The following YAF2 variants were observed in gnomAD, a reference collection of about 807,000 sequenced individuals.
YAF2 encodes YY1 associated factor 2.
Under a neutral mutation model 20.1 loss-of-function variants are expected in YAF2, and 7 were observed. That is an observed-to-expected ratio of 0.35 (90% CI 0.20 to 0.65). The LOEUF (loss-of-function observed/expected upper bound fraction) is 0.65. Among genes scored for constraint, YAF2 ranks in the 30% least tolerant of loss-of-function variants. The pLI, the probability that YAF2 is intolerant of heterozygous loss-of-function variation, is 0.69. For synonymous variants in YAF2, 74 were observed against 76.0 expected (o/e 0.97, Z 0.14); for missense variants, 151 against 219.2 (o/e 0.69, Z 1.96).
Position 42,228,484 on chromosome 12 carries a change from G to C in YAF2, c.152+9115C>G, listed in dbSNP as rs1188460063. On this transcript the variant is annotated intron_variant, in intron 2 of 3. Coordinates refer to ENST00000534854, the MANE Select transcript of YAF2 (RefSeq NM_005748.6). ...CGTCCGGGAGGGAGGTGGGGGGGGG[G>C]GGTCAGCCCCCCCGCCTGGCCAGCC... Among the ~76,000 whole-genome samples the C allele has an allele frequency of 3.6e-5, 2 of 55,402 alleles. 1 individual carries two copies. The highest frequency in any genetic ancestry group is 6.3e-5 in the Non-Finnish European group (2 of 31,904). 36.3% of individuals were successfully genotyped at this position (55,402 alleles called of 152,430 possible). A position where few individuals can be genotyped will look rare whatever the true frequency, so the allele number is the denominator to read the frequency against.
chr12:42,194,758 C>T (rs1395850677), intron 2 of YAF2, among the ~76,000 whole-genome samples: 1 of 152,088 alleles, frequency 6.6e-6, no homozygotes, highest in Non-Finnish European at 1.5e-5. Context: ...TGGTCCAGGC[C>T]CTACATTACA....
Position 42,161,658 on chromosome 12 carries a change from C to CT in YAF2, c.259dup (p.Ser87LysfsTer2). The CT allele has an allele frequency of 6.2e-7, 1 of 1,605,030 alleles. No homozygotes were observed. On this transcript the variant is annotated frameshift_variant, in exon 3 of 4. Coordinates refer to ENST00000534854, the MANE Select transcript of YAF2 (RefSeq NM_005748.6). LOFTEE classifies it high-confidence loss of function. The stretch of plus-strand genomic sequence containing the variant: ...CTTTTTGCTAGTTGTTTCCTTTTCA[C>CT]TTTTTTCTTTTTCTACTTTATCTTT...
chr12:42,216,279 T>A lies in YAF2; in HGVS notation c.152+21320A>T, dbSNP rs535073261. On this transcript the variant is annotated intron_variant, in intron 2 of 3. Coordinates refer to ENST00000534854, the MANE Select transcript of YAF2 (RefSeq NM_005748.6). ...GGACAATCACTACGCAAAAGTATTATCTTGTTACAACTTAAAAATACAAAT... is the reference window on the plus strand; with the variant it reads ...GGACAATCACTACGCAAAAGTATTAACTTGTTACAACTTAAAAATACAAAT... Among the ~76,000 whole-genome samples, 48 of 152,294 alleles carry A rather than the reference T, an allele frequency of 3.2e-4. 1 individual carries two copies. Among genetic ancestry groups the A allele is most frequent in the Admixed American group, 3.0e-3 (46 of 15,296 alleles).
chr12:42,232,522 T>A (rs368208976), intron 2 of YAF2: 1 of 985,280 alleles, frequency 1.0e-6, no homozygotes, highest in Middle Eastern at 5.2e-4. Flanking sequence ...AAGTAAGAAA[T>A]CTCCTAGAAT....
At position 42,220,972 on chromosome 12, in the gene YAF2, A is replaced by T. The variant is rs1352715797; in HGVS notation, c.152+16627T>A. Among the ~76,000 whole-genome samples the T allele has an allele frequency of 3.3e-5, 5 of 152,200 alleles. No homozygotes were observed. The East Asian group carries it at 9.6e-4, about 29-fold the overall frequency. On this transcript the variant is annotated intron_variant, in intron 2 of 3. Transcript: ENST00000534854. Reference sequence around the variant, plus strand: ...ACACTATGATATCAAAGAAGTGAGGATATACAGCAAAATAAAAGTTGTTAT... The same window carrying T: ...ACACTATGATATCAAAGAAGTGAGGTTATACAGCAAAATAAAAGTTGTTAT...
intron 2 of YAF2, among the ~76,000 whole-genome samples, chr12:42,189,840 TAAGACA>T (rs2066568867): frequency 6.6e-6 from 1 of 152,124 alleles, no homozygotes. Context: ...AAAATTAGTC[TAAGACA>T]AGCACATTTT....
chr12:42,169,641 G>C (rs895438049), intron 2 of YAF2, among the ~76,000 whole-genome samples: 7 of 151,966 alleles, frequency 4.6e-5, no homozygotes, highest in Non-Finnish European at 7.4e-5. Flanking sequence ...TCAAACTCCT[G>C]GACTCAAGAG....
In YAF2 at chr12:42,207,708, C is replaced by T. The variant is rs564364735; in HGVS notation, c.152+29891G>A. On this transcript the variant is annotated intron_variant, in intron 2 of 3. Transcript: ENST00000534854. ...GCGATCAAGACCATCCTGGCTAACA[C>T]GGTGAAACCCCGTCTCTACTAAAAA... Among the ~76,000 whole-genome samples the T allele has an allele frequency of 3.4e-3, 517 of 151,870 alleles. 2 individuals are homozygous for T. Among genetic ancestry groups the T allele is most frequent in the African/African-American group, 0.012 (491 of 41,394 alleles).
chr12:42,204,119 A>C (rs889374661), intron 2 of YAF2, among the ~76,000 whole-genome samples: 1 of 152,226 alleles, frequency 6.6e-6, no homozygotes, highest in Non-Finnish European at 1.5e-5. Flanking sequence ...ACCACTTCAC[A>C]CAAACTAGAA....
intron 2 of YAF2, among the ~76,000 whole-genome samples, chr12:42,195,821 G>A (rs2066734395): frequency 6.6e-6 from 1 of 152,156 alleles, no homozygotes; most frequent in African/African-American, 2.4e-5. Flanking sequence ...GATCCTACGG[G>A]AGCACAGAAG....
intron 2 of YAF2, among the ~76,000 whole-genome samples, chr12:42,227,747 T>TGGGG (rs1181592026): frequency 7.4e-6 from 1 of 134,784 alleles, no homozygotes; most frequent in Non-Finnish European, 1.6e-5. Context: ...GGGAGGGAGG[T>TGGGG]GGGGGGGTCA....
At position 42,159,694 on chromosome 12, in the gene YAF2, T is replaced by G. The variant is rs1043314943; in HGVS notation, c.*895A>C. 1 of 152,454 alleles carries G rather than the reference T, an allele frequency of 6.6e-6. No homozygotes were observed. Among genetic ancestry groups the G allele is most frequent in the Non-Finnish European group, 1.5e-5 (1 of 67,966 alleles). 9.4% of individuals were successfully genotyped at this position (152,454 alleles called of 1,614,324 possible). A position where few individuals can be genotyped will look rare whatever the true frequency, so the allele number is the denominator to read the frequency against. ...CATACTTCTATGGCCCTGGATAAGT[T>G]TGGGACAAGAAAACAATGATAAAAC... On this transcript the variant is annotated 3_prime_UTR_variant, in exon 4 of 4. Transcript: ENST00000534854.
rs1398898195 is a variant in YAF2 at position 42,174,463 on chromosome 12, C to T, written c.153-12698G>A. On this transcript the variant is annotated intron_variant, in intron 2 of 3. Coordinates refer to ENST00000534854, the MANE Select transcript of YAF2 (RefSeq NM_005748.6). ...GGCTACTCTTTCACAGTTTCATTTA[C>T]TGATTCCCTTCCAGTGTCCCAAATT... 2.0e-5 allele frequency among the ~76,000 whole-genome samples: 3 copies of T among 152,298 alleles called. No individual in the cohort carries two copies. The East Asian group carries it at 5.8e-4, about 29-fold the overall frequency.
intron 2 of YAF2, chr12:42,232,957 T>TAG (rs2068026757): frequency 1.0e-6 from 1 of 985,330 alleles, no homozygotes; most frequent in Non-Finnish European, 1.2e-6. Flanking sequence ...ACCTCACATA[T>TAG]AGAGCTTGGT....
intron 2 of YAF2, among the ~76,000 whole-genome samples, chr12:42,228,048 C>G: frequency 8.4e-6 from 1 of 119,082 alleles, no homozygotes; most frequent in Non-Finnish European, 1.8e-5. Flanking sequence ...CCCGGCCAGC[C>G]GCCCCGTCTG....
intron 2 of YAF2, among the ~76,000 whole-genome samples, chr12:42,229,421 T>TAAA (rs58885852): frequency 2.3e-4 from 33 of 143,238 alleles, no homozygotes; most frequent in African/African-American, 7.7e-4. Flanking sequence ...AAAAATAAAT[T>TAAA]AAAAAAAAAA....
intron 2 of YAF2, among the ~76,000 whole-genome samples, chr12:42,178,118 C>G (rs1419239934): frequency 6.6e-6 from 1 of 152,158 alleles, no homozygotes; most frequent in Non-Finnish European, 1.5e-5. Flanking sequence ...ATATGTACAT[C>G]TATTTTGTAT....
chr12:42,182,277 G>A (rs1205045159), intron 2 of YAF2, among the ~76,000 whole-genome samples: 2 of 152,050 alleles, frequency 1.3e-5, no homozygotes, highest in African/African-American at 2.4e-5. Context: ...ATGTGGCCGG[G>A]TATTTTATAA....
chr12:42,169,936 T>C (rs368152030), intron 2 of YAF2, among the ~76,000 whole-genome samples: 1 of 151,912 alleles, frequency 6.6e-6, no homozygotes. Flanking sequence ...AGTGGTACAA[T>C]CACAACTCAC....
Sources: gnomAD v4.1 joint callset for allele counts (sites outside exome capture counted in the v4.1 genomes callset) on GRCh38, gnomAD v4.1.1 for gene constraint, MANE v1.5 for transcripts, NCBI Gene and HGNC (gene_info 2026-07-23, HGNC 2026-07-21) for gene names.